Variants in GTPBP1 observed in about 807,000 individuals in gnomAD.
The protein encoded by GTPBP1 is GTP-binding protein 1.
A neutral mutation model predicts 62.0 loss-of-function variants in GTPBP1; 23 were observed. The observed-to-expected ratio is 0.37, with a 90% CI of 0.27 to 0.53. GTPBP1 has a LOEUF of 0.53. Ranked by LOEUF, GTPBP1 falls within the 20% of genes least tolerant of loss-of-function variation. The pLI is 0.89. For synonymous variants in GTPBP1, 344 were observed against 364.4 expected (o/e 0.94, Z 0.64); for missense variants, 640 against 917.3 (o/e 0.70, Z 3.90).
At chr22:38,729,688 G>T in intron 11 of GTPBP1, 26 bp downstream of exon 11, 3 of 1,438,910 alleles carry the variant, frequency 2.1e-6, no homozygotes, top group South Asian at 3.0e-5. Context: ...TCGCAGCTTC[G>T]GCATGGTGGT....
chr22:38,713,099 G>A (rs535113555), intron 2 of GTPBP1, among the ~76,000 whole-genome samples: 1 of 152,296 alleles, frequency 6.6e-6, no homozygotes, highest in South Asian at 2.1e-4. Context: ...GGCAGAATGA[G>A]TAGGATTTTG....
chr22:38,738,546 C>T (rs201726682), downstream of GTPBP1: 25 of 1,594,312 alleles, frequency 1.6e-5, no homozygotes, highest in East Asian at 5.2e-4. This position sits in a 1 kb window ranked among gnomAD's most constrained non-coding sequence, Gnocchi z 6.6. Context: ...CACAGGATCC[C>T]CCTGCAGCCC....
Position 38,731,718 on chromosome 22 carries a change from T to C in GTPBP1, c.*1014T>C, listed in dbSNP as rs968455755. ...ATGTTCCCCTGAGCCAGGCTGAGAC[T>C]AGAACCCCATCTTCCCTGAGCCAGG... On this transcript the variant is annotated 3_prime_UTR_variant, in exon 12 of 12. Transcript: ENST00000216044. The C allele has an allele frequency of 2.6e-5, 4 of 152,524 alleles. No individual in the cohort carries two copies. The highest frequency in any genetic ancestry group is 9.7e-5 in the African/African-American group (4 of 41,426). 9.4% of individuals were successfully genotyped at this position (152,524 alleles called of 1,614,324 possible).
rs182281895 is a variant in GTPBP1 at position 38,725,537 on chromosome 22, G to C, written c.1074-469G>C. 4 of 156,066 alleles carry C rather than the reference G, an allele frequency of 2.6e-5. No individual in the cohort carries two copies. In the East Asian group the frequency reaches 5.7e-4, roughly 22 times the overall value. 9.7% of individuals were successfully genotyped at this position (156,066 alleles called of 1,614,324 possible). On this transcript the variant is annotated intron_variant, in intron 6 of 11. Coordinates refer to ENST00000216044, the MANE Select transcript of GTPBP1 (RefSeq NM_004286.5). ...GGGCAGAAAAGTTCCAAAGTTTTAG[G>C]AGAAGGGAGAGTTCTCTGGTGTGGC...
At chr22:38,742,058 G>A (rs144176379), downstream of GTPBP1, among the ~76,000 whole-genome samples, 170 of 152,000 alleles carry the variant, frequency 1.1e-3, 1 homozygote, top group African/African-American at 3.9e-3. Context: ...CAAGAGAATC[G>A]CTTGAACCTG....
In GTPBP1 at chr22:38,726,887, C is replaced by T. The variant is rs1027657098; in HGVS notation, c.1402-326C>T. ...ACCAGGAATAGTAGGACTTTCTTCC[C>T]CACAGTGGTCAGGTCATGCCCACCT... On this transcript the variant is annotated intron_variant, in intron 8 of 11. Transcript: ENST00000216044. This position sits in a 1 kb window ranked among gnomAD's most constrained non-coding sequence, Gnocchi z 4.1. Among the ~76,000 whole-genome samples the T allele has an allele frequency of 6.6e-6, 1 of 152,202 alleles. No homozygotes were observed. Among genetic ancestry groups the T allele is most frequent in the Non-Finnish European group, 1.5e-5 (1 of 68,020 alleles).
chr22:38,714,506 T>C (rs2092658287), intron 2 of GTPBP1, among the ~76,000 whole-genome samples: 1 of 143,328 alleles, frequency 7.0e-6, no homozygotes, highest in Admixed American at 6.9e-5. Context: ...AAAAGGCCAC[T>C]GGTGGCATGT....
chr22:38,740,896 T>G (rs2092851501), downstream of GTPBP1: 1 of 1,225,998 alleles, frequency 8.2e-7, no homozygotes, highest in African/African-American at 1.5e-5. The surrounding 1 kb of genome is among the most constrained non-coding windows in gnomAD (Gnocchi z 4.8). Context: ...TACCATCTGC[T>G]TGGCAAGATG....
Position 38,708,717 on chromosome 22 carries a change from T to C in GTPBP1, c.193-128T>C. 4 of 637,974 alleles carry C rather than the reference T, an allele frequency of 6.3e-6. No individual in the cohort carries two copies. The Middle Eastern group carries it at 1.2e-3, about 188-fold the overall frequency. The allele number at this position is 637,974 out of a possible 1,614,324, so 39.5% of individuals were successfully genotyped here. A position where few individuals can be genotyped will look rare whatever the true frequency, so the allele number is the denominator to read the frequency against. On this transcript the variant is annotated intron_variant, in intron 1 of 11. Coordinates refer to ENST00000216044, the MANE Select transcript of GTPBP1 (RefSeq NM_004286.5). ...AGAAGCAGAGAGGGCATGAAGGGGCTGTGCAGCCTTTTTAGATGAGGGTGC... is the reference window on the plus strand; with the variant it reads ...AGAAGCAGAGAGGGCATGAAGGGGCCGTGCAGCCTTTTTAGATGAGGGTGC...
downstream of GTPBP1, chr22:38,738,157 C>T: frequency 6.2e-7 from 1 of 1,612,724 alleles, no homozygotes; most frequent in Non-Finnish European, 8.5e-7. This position sits in a 1 kb window ranked among gnomAD's most constrained non-coding sequence, Gnocchi z 6.6. Flanking sequence ...TCTGCTAGCA[C>T]AGCAGCATCC....
Position 38,716,906 on chromosome 22 carries a change from T to C in GTPBP1, c.740T>C (p.Val247Ala). ...AAGATCTGTGAGAAGTCCACGAAAG[T>C]CATTACCTTCATCGACTTGGCTGGT... ...WTKICEKSTK[V>A]ITFIDLAGHE... Residue 247 changes from valine (V) to alanine (A), a missense_variant, in exon 4 of 12, where the codon GTC becomes GCC. Physicochemically the swap from Val to Ala is moderately conservative, Grantham distance 64. Coordinates refer to ENST00000216044, the MANE Select transcript of GTPBP1 (RefSeq NM_004286.5). This position sits in a 1 kb window ranked among gnomAD's most constrained non-coding sequence, Gnocchi z 5.2. The C allele has an allele frequency of 6.2e-7, 1 of 1,614,050 alleles. No homozygotes were observed. The highest frequency in any genetic ancestry group is 8.5e-7 in the Non-Finnish European group (1 of 1,179,946).
chr22:38,741,545 C>G (rs1327720662), downstream of GTPBP1: 1 of 1,614,112 alleles, frequency 6.2e-7, no homozygotes. Context: ...CTTGCTGATG[C>G]TCTGCTCTCA....
downstream of GTPBP1, chr22:38,733,726 G>A (rs183845995): frequency 1.1e-4 from 17 of 153,378 alleles, no homozygotes; most frequent in Non-Finnish European, 2.0e-4. Flanking sequence ...AGCCACCCTG[G>A]CACAGAGAAG....
Position 38,726,841 on chromosome 22 carries a change from C to T in GTPBP1, c.1402-372C>T, listed in dbSNP as rs190752285. Among the ~76,000 whole-genome samples the T allele has an allele frequency of 1.8e-4, 27 of 152,308 alleles. No individual in the cohort carries two copies. In the East Asian group the frequency reaches 4.4e-3, roughly 25 times the overall value. On this transcript the variant is annotated intron_variant, in intron 8 of 11. Transcript: ENST00000216044. The surrounding 1 kb of genome is among the most constrained non-coding windows in gnomAD (Gnocchi z 4.1). ...GGGTTGTAGTTCAGGGGTCACCTACCTTTACCCACCAACTAAATTAACCAG... is the reference window on the plus strand; with the variant it reads ...GGGTTGTAGTTCAGGGGTCACCTACTTTTACCCACCAACTAAATTAACCAG...
At position 38,725,029 on chromosome 22, in the gene GTPBP1, G is replaced by T. The variant is rs377035324; in HGVS notation, c.1073+618G>T. The T allele has an allele frequency of 1.1e-3, 164 of 153,178 alleles. 1 individual carries two copies. The South Asian group carries it at 0.033, about 31-fold the overall frequency. The allele number at this position is 153,178 out of a possible 1,614,324, so 9.5% of individuals were successfully genotyped here. A position where few individuals can be genotyped will look rare whatever the true frequency, so the allele number is the denominator to read the frequency against. On this transcript the variant is annotated intron_variant, in intron 6 of 11. Transcript: ENST00000216044. ...TGAGAGATGCTCTCTCGATAATGGT[G>T]AACTCTACTAACTCTGCCTGTTTGC...
rs564120141 is a variant in GTPBP1, at chr22:38,722,512, G to A, written c.958+647G>A. ...TCTAAGAATTGCCTTCTACAGAGGCGAATTATATTCTGTAGAAACTAGCTA... is the reference window on the plus strand; with the variant it reads ...TCTAAGAATTGCCTTCTACAGAGGCAAATTATATTCTGTAGAAACTAGCTA... On this transcript the variant is annotated intron_variant, in intron 5 of 11. Coordinates refer to ENST00000216044, the MANE Select transcript of GTPBP1 (RefSeq NM_004286.5). Among the ~76,000 whole-genome samples, 19 of 152,210 alleles carry A rather than the reference G, an allele frequency of 1.2e-4. 1 individual carries two copies. Among genetic ancestry groups the A allele is most frequent in the East Asian group, 9.6e-4 (5 of 5,188 alleles).
chr22:38,710,087 G>C (rs2145840954), intron 2 of GTPBP1, among the ~76,000 whole-genome samples: 2 of 152,330 alleles, frequency 1.3e-5, no homozygotes, highest in Middle Eastern at 3.4e-3. Flanking sequence ...ACTTGTCTCT[G>C]TCATCTTTGC....
In GTPBP1 at chr22:38,708,890, C is replaced by T. The variant is rs763649624; in HGVS notation, c.238C>T (p.Arg80Trp). 1.9e-6 allele frequency: 3 copies of T among 1,612,348 alleles called. No individual in the cohort carries two copies. Among genetic ancestry groups the T allele is most frequent in the East Asian group, 2.2e-5 (1 of 44,882 alleles). The change falls in exon 2 of 12, where the codon CGG becomes TGG. Residue 80 changes from arginine (R) to tryptophan (W), a missense_variant. Transcript: ENST00000216044. ...PTSEQYDSLL[R>W]QMWERMDEGC... ...ATCAGAGCAGTATGACAGCCTACTT[C>T]GGCAGATGTGGGAGAGGATGGACGA...
chr22:38,740,346 GCC>G (rs1569296685), downstream of GTPBP1: 1 of 1,585,776 alleles, frequency 6.3e-7, no homozygotes, highest in Non-Finnish European at 8.6e-7. The surrounding 1 kb of genome is among the most constrained non-coding windows in gnomAD (Gnocchi z 4.8). Context: ...TGCCAGAGCC[GCC>G]AGCTCCTGCT....
Sources: gnomAD v4.1 joint callset for allele counts (sites outside exome capture counted in the v4.1 genomes callset) on GRCh38, gnomAD v4.1.1 for gene constraint, Gnocchi (gnomAD v3.1) non-coding constraint, MANE v1.5 for transcripts, NCBI Gene and HGNC (gene_info 2026-07-23, HGNC 2026-07-21) for gene names.